MMD2: variants seen among roughly 807,000 people sequenced by gnomAD.
MMD2 encodes monocyte to macrophage differentiation associated 2.
Under a neutral mutation model 33.5 loss-of-function variants are expected in MMD2, and 30 were observed. The observed-to-expected ratio is 0.90, with a 90% CI of 0.67 to 1.22. The LOEUF (loss-of-function observed/expected upper bound fraction) is 1.22, where lower values mean the gene tolerates loss of function less well. Ranked by LOEUF, MMD2 falls within the 50% of genes most tolerant of loss-of-function variation. The pLI is 0.00. For synonymous variants in MMD2, 129 were observed against 123.0 expected, an observed-to-expected ratio of 1.05 and a Z score of -0.32; for missense variants, 364 against 325.4, an observed-to-expected ratio of 1.12 and a Z score of -0.91.
chr7:4,912,507 A>G (rs1379552938), intron 4 of MMD2, among the ~76,000 whole-genome samples: 2 of 150,998 alleles, frequency 1.3e-5, no homozygotes, highest in Non-Finnish European at 2.9e-5. Flanking sequence ...GCTTGTAGTG[A>G]GCCAAGATCG....
intron 1 of MMD2, among the ~76,000 whole-genome samples, 175 bp downstream of exon 1, chr7:4,958,796 C>G (rs1317939445): frequency 6.6e-6 from 1 of 152,152 alleles, no homozygotes; most frequent in Non-Finnish European, 1.5e-5. Context: ...GTTACTCCAT[C>G]CCAGCGAGAA....
At chr7:4,949,731 C>T (rs1327287212) in intron 1 of MMD2, among the ~76,000 whole-genome samples, 1 of 151,914 alleles carries the variant, frequency 6.6e-6, no homozygotes, top group Admixed American at 6.6e-5. Flanking sequence ...AGGATGGTCT[C>T]GAACTCCTGA....
In MMD2 at chr7:4,930,057, C is replaced by G. The variant is rs566911999; in HGVS notation, c.48-4525G>C. The stretch of plus-strand genomic sequence containing the variant: ...GGCCGAGGCGGGCATATTACAAGGT[C>G]AGGAGATCTAGACCATCCTGGCTAA... On this transcript the variant is annotated intron_variant, in intron 1 of 6. Coordinates refer to ENST00000401401, the MANE Select transcript of MMD2 (RefSeq NM_198403.4). Among the ~76,000 whole-genome samples, 11 of 145,028 alleles carry G rather than the reference C, an allele frequency of 7.6e-5. No homozygotes were observed. The East Asian group carries it at 2.4e-3, about 32-fold the overall frequency.
In MMD2 at chr7:4,907,045, G is replaced by C; in HGVS notation, c.*351C>G. The C allele has an allele frequency of 3.4e-6, 1 of 295,364 alleles. No homozygotes were observed. Among genetic ancestry groups the C allele is most frequent in the Non-Finnish European group, 6.4e-6 (1 of 156,804 alleles). The allele number at this position is 295,364 out of a possible 1,614,324, so 18.3% of individuals were successfully genotyped here. Reference sequence around the variant, plus strand: ...GTATAAACAACCCACAGGACTCTTTGCCAGATTCTTCAGGACCTTAGGAAA... The same window carrying C: ...GTATAAACAACCCACAGGACTCTTTCCCAGATTCTTCAGGACCTTAGGAAA... On this transcript the variant is annotated 3_prime_UTR_variant, in exon 7 of 7. Coordinates refer to ENST00000401401, the MANE Select transcript of MMD2 (RefSeq NM_198403.4).
chr7:4,904,086 C>T (rs1784829486), downstream of MMD2, among the ~76,000 whole-genome samples: 1 of 152,174 alleles, frequency 6.6e-6, no homozygotes, highest in Non-Finnish European at 1.5e-5. Flanking sequence ...GCAGGTGCCA[C>T]CATGTCTGGC....
intron 3 of MMD2, among the ~76,000 whole-genome samples, chr7:4,918,455 G>A (rs1486563746): frequency 6.7e-6 from 1 of 149,720 alleles, no homozygotes; most frequent in Non-Finnish European, 1.5e-5. Flanking sequence ...AGCAAATAAG[G>A]TTTCTTTTCT....
intron 1 of MMD2, among the ~76,000 whole-genome samples, chr7:4,928,884 A>G (rs1434986227): frequency 6.6e-6 from 1 of 151,674 alleles, no homozygotes; most frequent in Non-Finnish European, 1.5e-5. Context: ...AGTGCAGCTC[A>G]TGGTGCATTT....
downstream of MMD2, among the ~76,000 whole-genome samples, chr7:4,905,586 G>A (rs1039696430): frequency 2.7e-4 from 41 of 152,244 alleles, no homozygotes; most frequent in African/African-American, 8.9e-4. The surrounding 1 kb of genome is among the most constrained non-coding windows in gnomAD (Gnocchi z 5.0). Context: ...CGTGATCGCA[G>A]GATTTTATCT....
In MMD2 at chr7:4,959,177, T is replaced by G. The variant is rs1334065784; in HGVS notation, c.-160A>C. On this transcript the variant is annotated 5_prime_UTR_variant, in exon 1 of 7. Coordinates refer to ENST00000401401, the MANE Select transcript of MMD2 (RefSeq NM_198403.4). ...CCGGAGCCGGAGCCCGAGCCGGAGCTGGAGGCGCCCGGAGCCGCCGACGCC... is the reference window on the plus strand; with the variant it reads ...CCGGAGCCGGAGCCCGAGCCGGAGCGGGAGGCGCCCGGAGCCGCCGACGCC... The G allele has an allele frequency of 3.0e-5, 9 of 304,368 alleles. No individual in the cohort carries two copies. The Admixed American group carries it at 4.0e-4, about 14-fold the overall frequency. 18.9% of individuals were successfully genotyped at this position (304,368 alleles called of 1,614,324 possible).
chr7:4,926,500 T>C (rs970128218), intron 1 of MMD2, among the ~76,000 whole-genome samples: 3 of 151,940 alleles, frequency 2.0e-5, no homozygotes, highest in African/African-American at 7.2e-5. Flanking sequence ...TAAACCACCA[T>C]CCAGGAAGAG....
At chr7:4,929,839 CTAATAAG>C (rs1353733988) in intron 1 of MMD2, among the ~76,000 whole-genome samples, 3 of 152,004 alleles carry the variant, frequency 2.0e-5, no homozygotes, top group African/African-American at 7.2e-5. Flanking sequence ...GGCTTATTAA[CTAATAAG>C]TAATAACAAC....
rs1268153689 is a variant in MMD2, at chr7:4,916,178, G to C, written c.291-99C>G. 3 of 1,115,244 alleles carry C rather than the reference G, an allele frequency of 2.7e-6. No homozygotes were observed. The African/African-American group carries it at 4.6e-5, about 17-fold the overall frequency. The allele number at this position is 1,115,244 out of a possible 1,614,324, so 69.1% of individuals were successfully genotyped here. Reference sequence around the variant, plus strand: ...CTGGACTGATCGTGCCTGCCTACAGGTTAGCAGGGCTGGGCTCCTCTGTCC... The same window carrying C: ...CTGGACTGATCGTGCCTGCCTACAGCTTAGCAGGGCTGGGCTCCTCTGTCC... On this transcript the variant is annotated intron_variant, in intron 3 of 6. Transcript: ENST00000401401.
intron 1 of MMD2, among the ~76,000 whole-genome samples, chr7:4,945,222 T>C (rs1436359245): frequency 6.8e-6 from 1 of 146,462 alleles, no homozygotes; most frequent in Non-Finnish European, 1.5e-5. Context: ...CTTCTTCTTC[T>C]TCTTCTTCTT....
chr7:4,896,330 G>C, the MMD2 span, among the ~76,000 whole-genome samples: 2 of 151,994 alleles, frequency 1.3e-5, no homozygotes, highest in African/African-American at 4.8e-5. Context: ...AATACAAAAA[G>C]TTAGCTGGGC....
Position 4,906,777 on chromosome 7 carries a change from C to T in MMD2, c.*619G>A. On this transcript the variant is annotated 3_prime_UTR_variant, in exon 7 of 7. Transcript: ENST00000401401. The stretch of plus-strand genomic sequence containing the variant: ...GGCCATTATCCCATTTCAGAGCACA[C>T]CAGACAGGAAGGGCAAAGAGGTCCC... 1 of 378,322 alleles carries T rather than the reference C, an allele frequency of 2.6e-6. No individual in the cohort carries two copies. 23.4% of individuals were successfully genotyped at this position (378,322 alleles called of 1,614,324 possible). A position where few individuals can be genotyped will look rare whatever the true frequency, so the allele number is the denominator to read the frequency against.
chr7:4,908,142 G>GT (rs1259553000), intron 6 of MMD2, among the ~76,000 whole-genome samples: 10 of 143,264 alleles, frequency 7.0e-5, no homozygotes, highest in South Asian at 2.2e-4. Flanking sequence ...ATCTTATCTG[G>GT]TTTTGTTTTT....
intron 1 of MMD2, among the ~76,000 whole-genome samples, chr7:4,950,571 G>T (rs975185182): frequency 3.3e-5 from 5 of 152,122 alleles, no homozygotes; most frequent in Non-Finnish European, 7.3e-5. Context: ...GACTCCTCGA[G>T]GGACCTCAGA....
intron 1 of MMD2, among the ~76,000 whole-genome samples, chr7:4,948,186 A>T (rs1786143588): frequency 6.6e-6 from 1 of 152,144 alleles, no homozygotes; most frequent in South Asian, 2.1e-4. Flanking sequence ...AAACCATATC[A>T]AACTCTATAC....
chr7:4,924,672 A>G (rs751509326), intron 2 of MMD2, among the ~76,000 whole-genome samples: 1 of 152,198 alleles, frequency 6.6e-6, no homozygotes, highest in Non-Finnish European at 1.5e-5. Context: ...TTGTTGGGGA[A>G]CATTTCAGCA....
Sources: gnomAD v4.1 joint callset for allele counts (sites outside exome capture counted in the v4.1 genomes callset) on GRCh38, gnomAD v4.1.1 for gene constraint, Gnocchi (gnomAD v3.1) non-coding constraint, MANE v1.5 for transcripts, NCBI Gene and HGNC (gene_info 2026-07-23, HGNC 2026-07-21) for gene names.